The following WARS1 variants were observed in gnomAD, a reference collection of about 807,000 sequenced individuals.
WARS1 encodes the protein tryptophan--tRNA ligase, cytoplasmic.
Under a neutral mutation model 47.8 loss-of-function variants are expected in WARS1, and 17 were observed. The ratio of observed to expected loss-of-function variants is 0.36; its 90% confidence interval spans 0.24 to 0.53. The LOEUF is 0.53. Ranked by LOEUF, WARS1 falls within the 20% of genes least tolerant of loss-of-function variation. The pLI, the probability that WARS1 is intolerant of heterozygous loss-of-function variation, is 0.91. For missense variants in WARS1, 434 were observed against 608.0 expected, an observed-to-expected ratio of 0.71 and a Z score of 3.01; for synonymous variants, 208 against 228.1, an observed-to-expected ratio of 0.91 and a Z score of 0.79.
rs1895188040 is a variant in WARS1 at position 100,354,497 on chromosome 14, G to C, written c.492C>G (p.Pro164=). ...KPFYLYTGRG[P]SSEAMHVGHL... ...GACCTACATGCATTGCTTCAGAAGA[G>C]GGGCCCCGGCCCGTGTACAGATAAA... The change falls in exon 5 of 11, where the codon CCC becomes CCG. Residue 164 remains proline, a synonymous_variant. Coordinates refer to ENST00000392882, the MANE Select transcript of WARS1 (RefSeq NM_004184.4). 3.1e-6 allele frequency: 5 copies of C among 1,614,160 alleles called. No individual in the cohort carries two copies. Among genetic ancestry groups the C allele is most frequent in the Non-Finnish European group, 4.2e-6 (5 of 1,180,032 alleles).
At chr14:100,374,629 A>G (rs532424058) in intron 1 of WARS1, 1 of 152,368 alleles carries the variant, frequency 6.6e-6, no homozygotes, top group African/African-American at 2.4e-5. Context: ...TGATTCTGCA[A>G]TCTGGGGAAG....
At chr14:100,357,080 C>T (rs1012689211) in intron 4 of WARS1, among the ~76,000 whole-genome samples, 6 of 152,130 alleles carry the variant, frequency 3.9e-5, no homozygotes, top group African/African-American at 7.2e-5. Flanking sequence ...TCAATAAACA[C>T]AGAAAATGCA....
chr14:100,373,983 T>C lies in WARS1; in HGVS notation c.-74+1300A>G, dbSNP rs951666757. 2.0e-5 allele frequency: 3 copies of C among 152,242 alleles called. No individual in the cohort carries two copies. The highest frequency in any genetic ancestry group is 6.5e-5 in the Admixed American group (1 of 15,278). 9.4% of individuals were successfully genotyped at this position (152,242 alleles called of 1,614,324 possible). On this transcript the variant is annotated intron_variant, in intron 1 of 10. Coordinates refer to ENST00000392882, the MANE Select transcript of WARS1 (RefSeq NM_004184.4). This position sits in a 1 kb window ranked among gnomAD's most constrained non-coding sequence, Gnocchi z 4.4. The stretch of plus-strand genomic sequence containing the variant: ...TAAATGTTCTTCTTCCCCCTACCTA[T>C]TGACATCCTCCTTTATTTCTTTGTT...
At chr14:100,369,548 A>G (rs539521957) in intron 1 of WARS1, among the ~76,000 whole-genome samples, 1 of 152,190 alleles carries the variant, frequency 6.6e-6, no homozygotes, top group South Asian at 2.1e-4. Context: ...TCAAGTTTGC[A>G]TCTGGTGATG....
intron 4 of WARS1, among the ~76,000 whole-genome samples, chr14:100,358,486 A>G (rs756725299): frequency 1.1e-4 from 16 of 152,204 alleles, no homozygotes; most frequent in Non-Finnish European, 2.2e-4. Context: ...CACAAGCAAA[A>G]GAATGAAGTT....
intron 2 of WARS1, among the ~76,000 whole-genome samples, chr14:100,362,557 T>C (rs1895723482): frequency 6.7e-6 from 1 of 149,786 alleles, no homozygotes; most frequent in East Asian, 1.9e-4. Flanking sequence ...AAAGGTAAAA[T>C]GTACCCTTGG....
At chr14:100,351,139 C>T (rs1409542232) in intron 6 of WARS1, among the ~76,000 whole-genome samples, 2 of 151,996 alleles carry the variant, frequency 1.3e-5, no homozygotes, top group Non-Finnish European at 2.9e-5. Context: ...GGGAAAGACC[C>T]GCAAGTGGAA....
At chr14:100,337,258 A>G in intron 9 of WARS1, 56 bp from the exon 10 acceptor site, 4 of 1,587,280 alleles carry the variant, frequency 2.5e-6, no homozygotes, top group Non-Finnish European at 3.5e-6. Flanking sequence ...CTGTGCCTGG[A>G]CACTGGCTAG....
intron 2 of WARS1, among the ~76,000 whole-genome samples, chr14:100,367,414 C>T (rs1896063865): frequency 6.6e-6 from 1 of 151,728 alleles, no homozygotes; most frequent in African/African-American, 2.4e-5. Context: ...ATAGTGAAAC[C>T]CCGTCTCTAC....
In WARS1 at chr14:100,336,998, C is replaced by CA. The variant is rs1893776405; in HGVS notation, c.1254+63dup. The CA allele has an allele frequency of 2.5e-6, 4 of 1,587,466 alleles. No individual in the cohort carries two copies. The Admixed American group carries it at 5.0e-5, about 20-fold the overall frequency. ...TTCATGCCTGGCTGTTGGAGCCTTCCAGGCCCCATGGGCAGGAGTGGGTGG... is the reference window on the plus strand; with the variant it reads ...TTCATGCCTGGCTGTTGGAGCCTTCCAAGGCCCCATGGGCAGGAGTGGGTGG... On this transcript the variant is annotated intron_variant, in intron 10 of 10. Coordinates refer to ENST00000392882, the MANE Select transcript of WARS1 (RefSeq NM_004184.4).
At chr14:100,360,399 G>C (rs955253972) in intron 4 of WARS1, 155 bp downstream of exon 4, 7 of 492,928 alleles carry the variant, frequency 1.4e-5, no homozygotes, top group African/African-American at 9.6e-5. Context: ...TCCCACAGTG[G>C]GTTACTGACA....
intron 6 of WARS1, among the ~76,000 whole-genome samples, chr14:100,349,167 G>A (rs1348423561): frequency 1.3e-5 from 2 of 152,160 alleles, no homozygotes; most frequent in African/African-American, 2.4e-5. Flanking sequence ...AACATTTACT[G>A]AGCACTCCCC....
intron 4 of WARS1, among the ~76,000 whole-genome samples, chr14:100,358,370 G>A (rs1197405659): frequency 1.3e-5 from 2 of 152,124 alleles, no homozygotes; most frequent in Non-Finnish European, 2.9e-5. Context: ...CTGACCTCGT[G>A]ATCCGCCTGC....
chr14:100,360,616 T>A lies in WARS1; in HGVS notation c.360A>T (p.Ile120=). The A allele has an allele frequency of 6.2e-7, 1 of 1,614,042 alleles. No homozygotes were observed. Among genetic ancestry groups the A allele is most frequent in the Non-Finnish European group, 8.5e-7 (1 of 1,179,888 alleles). Residue 120 remains isoleucine (I), a synonymous_variant, in exon 4 of 11, where the codon ATA becomes ATT. Transcript: ENST00000392882. The part of the protein sequence containing the change: ...SKIDKELINR[I]ERATGQRPHH... ...GTGGTCTTTGGCCGGTGGCTCTCTC[T>A]ATTCGGTTTATTAGCTCTTTGTCAA...
chr14:100,366,743 G>A (rs889488140), intron 2 of WARS1: 4 of 874,142 alleles, frequency 4.6e-6, no homozygotes, highest in African/African-American at 3.3e-5. Context: ...GGCTGAAAAA[G>A]GGCTAAGGGA....
chr14:100,361,223 A>G (rs527909404), intron 3 of WARS1, among the ~76,000 whole-genome samples: 2 of 152,342 alleles, frequency 1.3e-5, no homozygotes, highest in Admixed American at 6.5e-5. Flanking sequence ...AAAGACTTCA[A>G]TGGAATGGCA....
chr14:100,366,255 TGGACTGGG>T (rs1302500700), intron 2 of WARS1, among the ~76,000 whole-genome samples: 1 of 152,066 alleles, frequency 6.6e-6, no homozygotes, highest in African/African-American at 2.4e-5. Flanking sequence ...CTCTGAACAG[TGGACTGGG>T]GGAGCTTTCT....
chr14:100,365,761 C>T (rs1012773208), intron 2 of WARS1, among the ~76,000 whole-genome samples: 1 of 142,476 alleles, frequency 7.0e-6, no homozygotes, highest in South Asian at 2.2e-4. Context: ...CATAATCCCA[C>T]AAGGACAAAG....
At chr14:100,339,856 C>T (rs1201858863) in intron 9 of WARS1, 1 of 152,156 alleles carries the variant, frequency 6.6e-6, no homozygotes, top group East Asian at 1.9e-4. Flanking sequence ...GTTCCCAGAA[C>T]TTTATCTGAG....
Sources: allele counts gnomAD v4.1 joint callset (sites outside exome capture counted in the v4.1 genomes callset), GRCh38; gene constraint gnomAD v4.1.1; non-coding constraint Gnocchi (gnomAD v3.1); transcripts MANE v1.5; gene names NCBI Gene and HGNC (gene_info 2026-07-23, HGNC 2026-07-21).